AGBL1: variants seen among roughly 807,000 people sequenced by gnomAD.
The protein encoded by AGBL1 is cytosolic carboxypeptidase 4.
Under a neutral mutation model 118.9 loss-of-function variants are expected in AGBL1, and 130 were observed. The ratio of observed to expected loss-of-function variants is 1.09; its 90% CI spans 0.95 to 1.26. AGBL1 has a LOEUF of 1.26. AGBL1 is among the 50% of genes most tolerant of loss of function. AGBL1 has a pLI of 0.00. For synonymous variants in AGBL1, 555 were observed against 478.9 expected (o/e 1.16, Z -2.08); for missense variants, 1,584 against 1,298.1 (o/e 1.22, Z -3.38).
chr15:86,128,386 T>C (rs2076775583), intron 1 of AGBL1, among the ~76,000 whole-genome samples: 1 of 152,126 alleles, frequency 6.6e-6, no homozygotes, highest in Non-Finnish European at 1.5e-5. Flanking sequence ...CCTTGACAGG[T>C]GGGGATTACT....
intron 17 of AGBL1, among the ~76,000 whole-genome samples, chr15:86,373,364 T>C (rs1384569107): frequency 6.6e-6 from 1 of 152,184 alleles, no homozygotes; most frequent in Non-Finnish European, 1.5e-5. Flanking sequence ...CACCTTGACA[T>C]GCTGGGGCAT....
At chr15:86,598,448 T>G (rs1186160506) in intron 21 of AGBL1, among the ~76,000 whole-genome samples, 1 of 152,140 alleles carries the variant, frequency 6.6e-6, no homozygotes, top group Non-Finnish European at 1.5e-5. Flanking sequence ...AGTTCTACTT[T>G]GCCTGTTTGA....
At chr15:86,120,810 C>G (rs1035969517) in intron 1 of AGBL1, among the ~76,000 whole-genome samples, 3 of 152,078 alleles carry the variant, frequency 2.0e-5, no homozygotes, top group Admixed American at 1.3e-4. Context: ...TGGTTTCTGC[C>G]CCAAGGATAA....
At chr15:86,622,531 A>G (rs1252555211) in intron 21 of AGBL1, among the ~76,000 whole-genome samples, 1 of 152,198 alleles carries the variant, frequency 6.6e-6, no homozygotes, top group African/African-American at 2.4e-5. Flanking sequence ...TAAATAAAAT[A>G]GAGACAAATG....
At chr15:86,960,907 G>C (rs1216762329) in intron 23 of AGBL1, among the ~76,000 whole-genome samples, 1 of 152,066 alleles carries the variant, frequency 6.6e-6, no homozygotes, top group Non-Finnish European at 1.5e-5. Flanking sequence ...ACATGGGATA[G>C]AATGGTTATT....
At chr15:86,229,766 A>G (rs2078425608) in intron 6 of AGBL1, among the ~76,000 whole-genome samples, 1 of 152,170 alleles carries the variant, frequency 6.6e-6, no homozygotes, top group African/African-American at 2.4e-5. Flanking sequence ...GTGTGCGGCA[A>G]TGGGATTATG....
intron 23 of AGBL1, among the ~76,000 whole-genome samples, chr15:86,949,958 T>G (rs1196049169): frequency 6.6e-6 from 1 of 152,088 alleles, no homozygotes; most frequent in African/African-American, 2.4e-5. Flanking sequence ...GTACGTTCTC[T>G]GATTACAGTG....
At chr15:86,623,412 T>C (rs1031086681) in intron 21 of AGBL1, among the ~76,000 whole-genome samples, 1 of 152,192 alleles carries the variant, frequency 6.6e-6, no homozygotes, top group African/African-American at 2.4e-5. Flanking sequence ...GCAGTGTGAA[T>C]TGAGACCACT....
intron 5 of AGBL1, among the ~76,000 whole-genome samples, chr15:86,189,334 G>C (rs1370876474): frequency 6.6e-6 from 1 of 152,198 alleles, no homozygotes; most frequent in Admixed American, 6.5e-5. Context: ...AGTGGGTGGA[G>C]ATTTGGGGAT....
chr15:86,827,386 CATATATATAT>C (rs1304280056), intron 22 of AGBL1, among the ~76,000 whole-genome samples: 10 of 5,746 alleles, frequency 1.7e-3, no homozygotes, highest in African/African-American at 8.9e-3. Context: ...TATATATACA[CATATATATAT>C]ACATATATAT....
chr15:86,739,096 T>G (rs560776571), intron 22 of AGBL1, among the ~76,000 whole-genome samples: 1 of 151,772 alleles, frequency 6.6e-6, no homozygotes, highest in South Asian at 2.1e-4. Context: ...CAGTGAGCCA[T>G]GATCACACCA....
rs77842594 is a variant in AGBL1, at chr15:86,885,384, G to T, written c.3159-21703G>T. On this transcript the variant is annotated intron_variant, in intron 22 of 22. Coordinates refer to ENST00000614907, the MANE Select transcript of AGBL1 (RefSeq NM_001386094.1). ...CTTTCGCTCACACATCTTGTGAAAA[G>T]ACAAGGTTTTTCAGCAGCTGACTTG... Among the ~76,000 whole-genome samples, 1,459 of 152,266 alleles carry T rather than the reference G, an allele frequency of 9.6e-3. 60 individuals carry two copies. In the East Asian group the frequency reaches 0.15, roughly 15 times the overall value.
intron 22 of AGBL1, among the ~76,000 whole-genome samples, chr15:86,812,106 A>T (rs567197554): frequency 6.6e-6 from 1 of 152,212 alleles, no homozygotes; most frequent in Non-Finnish European, 1.5e-5. Flanking sequence ...CCAAGACAAA[A>T]GGTCTCCTGA....
intron 5 of AGBL1, among the ~76,000 whole-genome samples, chr15:86,215,231 G>A (rs889791286): frequency 2.5e-3 from 357 of 140,066 alleles, no homozygotes; most frequent in Non-Finnish European, 4.0e-3. Flanking sequence ...ATGCGTGTGT[G>A]TGTGTGTGTG....
intron 18 of AGBL1, among the ~76,000 whole-genome samples, chr15:86,466,908 C>T (rs1368161986): frequency 2.0e-5 from 3 of 152,226 alleles, no homozygotes; most frequent in Non-Finnish European, 2.9e-5. Flanking sequence ...CCAGCCAGAG[C>T]TCTCCTGTAT....
intron 17 of AGBL1, among the ~76,000 whole-genome samples, chr15:86,311,359 A>C (rs10152811): frequency 0.28 from 42,125 of 152,140 alleles, 6,167 homozygotes; most frequent in African/African-American, 0.32. Context: ...AAGAAAAATG[A>C]AAGTCTATTT....
chr15:86,479,815 G>A (rs2082624316), intron 18 of AGBL1, among the ~76,000 whole-genome samples: 2 of 152,116 alleles, frequency 1.3e-5, no homozygotes, highest in South Asian at 4.2e-4. Flanking sequence ...ATTCACAATA[G>A]CAAAGACTTG....
At chr15:86,371,516 A>C (rs8038230) in intron 17 of AGBL1, among the ~76,000 whole-genome samples, 5,419 of 152,232 alleles carry the variant, frequency 0.036, 318 homozygotes, top group African/African-American at 0.12. Context: ...ATCACATTGC[A>C]TATATAGGAT....
At chr15:86,330,423 C>G (rs572926185) in intron 17 of AGBL1, among the ~76,000 whole-genome samples, 18 of 152,128 alleles carry the variant, frequency 1.2e-4, no homozygotes, top group Admixed American at 1.0e-3. Flanking sequence ...CGGTCACATT[C>G]CGTAGGGAAG....
Sources: allele counts gnomAD v4.1 joint callset (sites outside exome capture counted in the v4.1 genomes callset), GRCh38; gene constraint gnomAD v4.1.1; transcripts MANE v1.5; gene names NCBI Gene and HGNC (gene_info 2026-07-23, HGNC 2026-07-21).